Variants in THSD1 observed in about 807,000 individuals in gnomAD.
THSD1 encodes thrombospondin type-1 domain-containing protein 1.
A neutral mutation model predicts 46.3 loss-of-function variants in THSD1; 34 were observed. That is an observed-to-expected ratio of 0.74 (90% CI 0.56 to 0.98). The LOEUF (loss-of-function observed/expected upper bound fraction) is 0.98. Ranked by LOEUF, THSD1 falls within the 50% of genes least tolerant of loss-of-function variation. THSD1 has a pLI of 0.00. For missense variants in THSD1, 1,023 were observed against 1,058.3 expected, an observed-to-expected ratio of 0.97 and a Z score of 0.46; for synonymous variants, 407 against 416.5, an observed-to-expected ratio of 0.98 and a Z score of 0.28.
chr13:52,393,097 GCTAGT>G (rs1957785162), intron 3 of THSD1, among the ~76,000 whole-genome samples: 1 of 152,032 alleles, frequency 6.6e-6, no homozygotes, highest in South Asian at 2.1e-4. Context: ...AAACTCCCAA[GCTAGT>G]CTACCTGGAT....
In THSD1 at chr13:52,378,674, G is replaced by A. The variant is rs1281480474; in HGVS notation, c.1296C>T (p.Leu432=). 12 of 1,614,010 alleles carry A rather than the reference G, an allele frequency of 7.4e-6. No homozygotes were observed. Among genetic ancestry groups the A allele is most frequent in the African/African-American group, 6.7e-5 (5 of 74,900 alleles). ...LCLFIIIATV[L]ITLWRRFGRP... is the part of the protein sequence containing the mutation. ...GGCCGAACCTCCTCCACAGCGTGAT[G>A]AGCACAGTGGCAATGATGATGAACA... Residue 432 remains leucine (L), a synonymous_variant, in exon 5 of 5, where the codon CTC becomes CTT. Coordinates refer to ENST00000258613, the MANE Select transcript of THSD1 (RefSeq NM_018676.4).
chr13:52,402,714 G>A (rs568667986), intron 1 of THSD1, 33 bp from the exon 2 acceptor site: 43 of 1,489,854 alleles, frequency 2.9e-5, no homozygotes, highest in Admixed American at 1.9e-4. Flanking sequence ...TGATGGCTCC[G>A]TTCAATGTGA....
At chr13:52,399,729 A>G (rs1224088536) in intron 2 of THSD1, among the ~76,000 whole-genome samples, 1 of 152,178 alleles carries the variant, frequency 6.6e-6, no homozygotes, top group East Asian at 1.9e-4. Context: ...TTAAGCAAAA[A>G]CAAGTTGAGG....
intron 4 of THSD1, among the ~76,000 whole-genome samples, 183 bp from the exon 5 acceptor site, chr13:52,378,972 C>T (rs1388278754): frequency 1.3e-5 from 2 of 150,760 alleles, no homozygotes; most frequent in African/African-American, 4.9e-5. Context: ...AAACAATTCT[C>T]CTGCCTCAGC....
chr13:52,389,042 C>T (rs1957754313), intron 3 of THSD1, among the ~76,000 whole-genome samples: 2 of 151,602 alleles, frequency 1.3e-5, no homozygotes, highest in African/African-American at 4.9e-5. Context: ...CTCACTGCAA[C>T]CTCCACCTCC....
chr13:52,403,580 C>T (rs1957881312), intron 1 of THSD1, among the ~76,000 whole-genome samples: 1 of 152,200 alleles, frequency 6.6e-6, no homozygotes, highest in South Asian at 2.1e-4. Context: ...TTCCCGGGTT[C>T]ACGCCATTCT....
chr13:52,389,291 A>G (rs1320632333), intron 3 of THSD1, among the ~76,000 whole-genome samples: 1 of 152,216 alleles, frequency 6.6e-6, no homozygotes, highest in Non-Finnish European at 1.5e-5. Flanking sequence ...GGTATAAATA[A>G]TAAACCAATA....
intron 1 of THSD1, among the ~76,000 whole-genome samples, chr13:52,404,738 C>G (rs1594106281): frequency 6.6e-6 from 1 of 152,200 alleles, no homozygotes; most frequent in East Asian, 1.9e-4. Context: ...AAGAAGCAAG[C>G]TCCCAAAAGT....
intron 2 of THSD1, 55 bp downstream of exon 2, chr13:52,402,488 G>A (rs376359117): frequency 2.6e-6 from 4 of 1,545,404 alleles, no homozygotes; most frequent in Non-Finnish European, 3.6e-6. Flanking sequence ...CATTTATAAT[G>A]TCATCTTTAT....
intron 3 of THSD1, among the ~76,000 whole-genome samples, chr13:52,394,711 G>C (rs1472800215): frequency 6.6e-6 from 1 of 152,034 alleles, no homozygotes; most frequent in Non-Finnish European, 1.5e-5. Context: ...TCTGAGTTCA[G>C]TTTTCACTTA....
At chr13:52,399,908 A>G (rs1417944023) in intron 2 of THSD1, 1 of 154,718 alleles carries the variant, frequency 6.5e-6, no homozygotes, top group Non-Finnish European at 1.4e-5. Flanking sequence ...GAACAAAGTC[A>G]TACTAATTTG....
Position 52,377,522 on chromosome 13 carries a change from C to G in THSD1, c.2448G>C (p.Ser816=), listed in dbSNP as rs553843095. Residue 816 remains serine (S), a synonymous_variant, in exon 5 of 5, where the codon TCG becomes TCC. Transcript: ENST00000258613. ...TCTGCTCAGCCTCAGTGAGGCCAAA[C>G]GACGTATTGTCATAGAAGGCAAACT... The part of the protein sequence containing the change: ...HPEFAFYDNT[S]FGLTEAEQRM... The G allele has an allele frequency of 6.3e-7, 1 of 1,598,588 alleles. No individual in the cohort carries two copies. Among genetic ancestry groups the G allele is most frequent in the Non-Finnish European group, 8.6e-7 (1 of 1,167,196 alleles).
chr13:52,384,666 C>T, intron 4 of THSD1, among the ~76,000 whole-genome samples: 1 of 152,094 alleles, frequency 6.6e-6, no homozygotes, highest in East Asian at 1.9e-4. Context: ...CACCAGTGGC[C>T]ACTGAGTTTA....
Position 52,378,809 on chromosome 13 carries a change from A to AAAAC in THSD1, c.1181-24_1181-21dup, listed in dbSNP as rs376021921. On this transcript the variant is annotated intron_variant, in intron 4 of 4. Transcript: ENST00000258613. ...GGAAAGCTGCAAAAAAAAACAAAAC[A>AAAAC]AAACAAACAAACAAAAAACACAGAG... is the stretch of plus-strand genomic sequence containing the variant. 6 of 1,545,208 alleles carry AAAAC rather than the reference A, an allele frequency of 3.9e-6. No homozygotes were observed. Among genetic ancestry groups the AAAAC allele is most frequent in the Middle Eastern group, 1.8e-4 (1 of 5,508 alleles).
chr13:52,386,201 G>A lies in THSD1; in HGVS notation c.1022-15C>T. The A allele has an allele frequency of 6.2e-7, 1 of 1,611,826 alleles. No homozygotes were observed. Among genetic ancestry groups the A allele is most frequent in the Non-Finnish European group, 8.5e-7 (1 of 1,178,778 alleles). The stretch of plus-strand genomic sequence containing the variant: ...TCCCCAAGTTTCTGCAAGGATATAA[G>A]TTATGCTTTTAATGCTAGTTCATTT... On this transcript the variant is annotated splice_polypyrimidine_tract_variant and intron_variant, in intron 3 of 4. Transcript: ENST00000258613.
At chr13:52,383,986 TG>T (rs1167914174) in intron 4 of THSD1, 2 of 201,944 alleles carry the variant, frequency 9.9e-6, no homozygotes, top group Non-Finnish European at 2.0e-5. Flanking sequence ...GCGGATCACC[TG>T]AGGTCGGGAG....
rs765558498 is a variant in THSD1 at position 52,386,034 on chromosome 13, A to C, written c.1174T>G (p.Cys392Gly). Residue 392 changes from cysteine (C) to glycine (G), a missense_variant, in exon 4 of 5, where the codon TGT (cysteine) becomes GGT (glycine). Coordinates refer to ENST00000258613, the MANE Select transcript of THSD1 (RefSeq NM_018676.4). ...AGGAAGCAAGAATACCTACCAGCAC[A>C]CTCCTCCAGGGAACACAGGGAGGCC... The part of the protein sequence containing the change: ...LEASLCSLEE[C>G]AAFQPSSPSP... 1 of 1,613,374 alleles carries C rather than the reference A, an allele frequency of 6.2e-7. No individual in the cohort carries two copies. The highest frequency in any genetic ancestry group is 8.5e-7 in the Non-Finnish European group (1 of 1,179,732).
intron 2 of THSD1, among the ~76,000 whole-genome samples, chr13:52,401,736 A>G (rs1032244098): frequency 6.6e-6 from 1 of 152,258 alleles, no homozygotes; most frequent in Non-Finnish European, 1.5e-5. Context: ...GCTCTGGTCC[A>G]TTTAACCAGC....
chr13:52,399,484 G>GT (rs938109808), intron 2 of THSD1, among the ~76,000 whole-genome samples: 19 of 152,156 alleles, frequency 1.2e-4, no homozygotes, highest in African/African-American at 4.3e-4. Flanking sequence ...GGGCCCATGT[G>GT]TTTTTTTGTT....
Sources: allele counts gnomAD v4.1 joint callset (sites outside exome capture counted in the v4.1 genomes callset), GRCh38; gene constraint gnomAD v4.1.1; transcripts MANE v1.5; gene names NCBI Gene and HGNC (gene_info 2026-07-23, HGNC 2026-07-21).